The following CUX1 variants were observed in gnomAD, a reference collection of about 807,000 sequenced individuals.
The protein encoded by CUX1 is cut like homeobox 1.
Under a neutral mutation model 158.8 loss-of-function variants are expected in CUX1, and 31 were observed. The observed-to-expected ratio is 0.20, with a 90% CI of 0.15 to 0.26. The LOEUF is 0.26. Ranked by LOEUF, CUX1 falls within the 10% of genes least tolerant of loss-of-function variation. The pLI is 1.00. For synonymous variants in CUX1, 879 were observed against 862.1 expected, an observed-to-expected ratio of 1.02 and a Z score of -0.34; for missense variants, 1,589 against 2,014.6, an observed-to-expected ratio of 0.79 and a Z score of 4.04.
rs536240538 is a variant in CUX1, at chr7:102,188,213, AAAG to A, written c.1018-1588_1018-1586del. ...GATCCTGTCTCTTTTTTAAAAAAAA[AAAG>A]AAGAAGAAGAACAAGAAGCATAATA... On this transcript the variant is annotated intron_variant, in intron 11 of 23. Transcript: ENST00000292535. Among the ~76,000 whole-genome samples, 440 of 151,800 alleles carry A rather than the reference AAAG, an allele frequency of 2.9e-3. 2 individuals carry two copies. Among genetic ancestry groups the A allele is most frequent in the African/African-American group, 1.0e-2 (413 of 41,388 alleles).
intron 8 of CUX1, among the ~76,000 whole-genome samples, chr7:102,146,824 C>A (rs574711783): frequency 6.6e-6 from 1 of 152,270 alleles, no homozygotes; most frequent in African/African-American, 2.4e-5. Context: ...TCTCAAACTC[C>A]TGAACTCAAG....
intron 2 of CUX1, among the ~76,000 whole-genome samples, chr7:102,007,001 C>T (rs1817455717): frequency 6.6e-6 from 1 of 152,248 alleles, no homozygotes; most frequent in African/African-American, 2.4e-5. Flanking sequence ...TTGGCAGTGG[C>T]TCTGCACGAG....
At position 102,281,805 on chromosome 7, in the gene CUX1, G is replaced by A. The variant is rs199875707; in HGVS notation, c.1822-35G>A. 3,997 of 1,443,110 alleles carry A rather than the reference G, an allele frequency of 2.8e-3. 6 individuals are homozygous for A. The highest frequency in any genetic ancestry group is 3.4e-3 in the Non-Finnish European group (3,485 of 1,025,260). The allele number at this position is 1,443,110 out of a possible 1,614,324, so 89.4% of individuals were successfully genotyped here. On this transcript the variant is annotated intron_variant, in intron 20 of 22. Transcript: ENST00000292538. ...CAGCCCTGCAGGGGTGGGTGAGGCC[G>A]GCCCCATCCCCACTCACCCCCTCCT... is the stretch of plus-strand genomic sequence containing the variant.
intron 21 of CUX1, among the ~76,000 whole-genome samples, chr7:102,230,696 A>G (rs1038140531): frequency 3.3e-5 from 5 of 152,124 alleles, no homozygotes; most frequent in Non-Finnish European, 7.3e-5. Context: ...ATAAAAATGT[A>G]GCTGTTGATT....
chr7:102,264,378 T>G (rs1182410471), intron 14 of CUX1, among the ~76,000 whole-genome samples: 3 of 152,124 alleles, frequency 2.0e-5, no homozygotes, highest in Non-Finnish European at 4.4e-5. Context: ...GGAAGGACGT[T>G]CTAGGCAGTG....
chr7:102,214,304 G>T (rs888821825), intron 20 of CUX1, among the ~76,000 whole-genome samples: 1 of 152,116 alleles, frequency 6.6e-6, no homozygotes, highest in Non-Finnish European at 1.5e-5. Context: ...CTCAAGGATC[G>T]CTTGAGTCCA....
rs869202667 is a variant in CUX1 at position 102,073,165 on chromosome 7, C to CT, written c.268+2772dup. Among the ~76,000 whole-genome samples, 184 of 66,874 alleles carry CT rather than the reference C, an allele frequency of 2.8e-3. 16 individuals carry two copies. The highest frequency in any genetic ancestry group is 4.1e-3 in the South Asian group (6 of 1,480). The allele number at this position is 66,874 out of a possible 152,430, so 43.9% of individuals were successfully genotyped here. On this transcript the variant is annotated intron_variant, in intron 4 of 23. Coordinates refer to ENST00000292535, the MANE Select transcript of CUX1 (RefSeq NM_181552.4). ...AAATAATATGTAATCTCTTTTCTTTCTTTTTTTTTTTTTTTTTTTTTTTTC... is the reference window on the plus strand; with the variant it reads ...AAATAATATGTAATCTCTTTTCTTTCTTTTTTTTTTTTTTTTTTTTTTTTTC...
At position 101,859,503 on chromosome 7, in the gene CUX1, C is replaced by T. The variant is rs181036384; in HGVS notation, c.30+41834C>T. The stretch of plus-strand genomic sequence containing the variant: ...ACCGCCTCAAGCTTCCCGTATTTGG[C>T]CTATTTCAGTGGAGCTGTAAGGTCA... On this transcript the variant is annotated intron_variant, in intron 1 of 23. Transcript: ENST00000292535. Among the ~76,000 whole-genome samples, 551 of 152,224 alleles carry T rather than the reference C, an allele frequency of 3.6e-3. 4 individuals carry two copies. Among genetic ancestry groups the T allele is most frequent in the Non-Finnish European group, 6.5e-3 (440 of 68,016 alleles).
intron 10 of CUX1, among the ~76,000 whole-genome samples, chr7:102,174,721 G>A (rs961076523): frequency 1.1e-4 from 17 of 152,186 alleles, no homozygotes; most frequent in African/African-American, 3.1e-4. Flanking sequence ...CAAGGCAGGC[G>A]GATCACAAGG....
chr7:102,273,430 G>A, exon 15 of CUX1: 4 of 1,613,280 alleles, frequency 2.5e-6, no homozygotes, highest in Admixed American at 1.7e-5. Flanking sequence ...AGCAGAGAGA[G>A]CTGATCGCCC....
intron 1 of CUX1, among the ~76,000 whole-genome samples, chr7:101,822,906 G>GAAA (rs796103013): frequency 6.8e-5 from 6 of 87,604 alleles, no homozygotes; most frequent in Admixed American, 1.2e-4. Flanking sequence ...CTCTGTCTCA[G>GAAA]AAAAAAAAAA....
Position 102,172,015 on chromosome 7 carries a change from G to A in CUX1, c.828+1465G>A, listed in dbSNP as rs137964692. Among the ~76,000 whole-genome samples, 26 of 152,342 alleles carry A rather than the reference G, an allele frequency of 1.7e-4. No homozygotes were observed. The East Asian group carries it at 4.3e-3, about 25-fold the overall frequency. On this transcript the variant is annotated intron_variant, in intron 10 of 23. Transcript: ENST00000292535. The stretch of plus-strand genomic sequence containing the variant: ...GGTTGCAGAGAGTACAGTCTCATCA[G>A]AAGAACTTGCTCTTGTAATAAATTC...
At chr7:102,001,158 G>A (rs1019629372) in intron 2 of CUX1, among the ~76,000 whole-genome samples, 1 of 152,150 alleles carries the variant, frequency 6.6e-6, no homozygotes, top group Non-Finnish European at 1.5e-5. Flanking sequence ...TGCTCCAGGT[G>A]TTCTAAAAAT....
At chr7:102,039,621 C>G (rs1821825243) in intron 3 of CUX1, among the ~76,000 whole-genome samples, 1 of 150,230 alleles carries the variant, frequency 6.7e-6, no homozygotes, top group African/African-American at 2.5e-5. Context: ...CACTGTTGCA[C>G]TCCAGTCTGG....
intron 3 of CUX1, among the ~76,000 whole-genome samples, chr7:102,043,545 G>A (rs917683180): frequency 1.5e-4 from 23 of 152,088 alleles, no homozygotes; most frequent in African/African-American, 5.3e-4. Flanking sequence ...TTTGGTACAC[G>A]CAGGGGGTCC....
At chr7:101,950,628 G>A (rs1192087413) in intron 2 of CUX1, among the ~76,000 whole-genome samples, 1 of 152,130 alleles carries the variant, frequency 6.6e-6, no homozygotes, top group East Asian at 1.9e-4. Context: ...TATTGTCTGT[G>A]GCTGCTTTTC....
At chr7:101,894,313 TTTTG>T (rs1446529799) in intron 1 of CUX1, among the ~76,000 whole-genome samples, 2 of 152,190 alleles carry the variant, frequency 1.3e-5, no homozygotes, top group African/African-American at 2.4e-5. Context: ...TTTTTTGGTT[TTTTG>T]TTTGTTTGTT....
At chr7:101,820,597 A>G (rs1792353738) in intron 1 of CUX1, among the ~76,000 whole-genome samples, 1 of 152,242 alleles carries the variant, frequency 6.6e-6, no homozygotes, top group African/African-American at 2.4e-5. Context: ...ATAATTGTCA[A>G]AGACAGAAAT....
intron 2 of CUX1, among the ~76,000 whole-genome samples, chr7:101,994,786 G>A (rs560830445): frequency 2.6e-5 from 4 of 151,922 alleles, no homozygotes; most frequent in African/African-American, 4.8e-5. Flanking sequence ...GTCATCTCAC[G>A]TGTCTAGAAG....
Sources: allele counts gnomAD v4.1 joint callset (sites outside exome capture counted in the v4.1 genomes callset), GRCh38; gene constraint gnomAD v4.1.1; transcripts MANE v1.5; gene names NCBI Gene and HGNC (gene_info 2026-07-23, HGNC 2026-07-21).